FGF14: variants seen among roughly 807,000 people sequenced by gnomAD.
FGF14 encodes fibroblast growth factor 14, also known as fibroblast growth factor homologous factor 4.
A neutral mutation model predicts 25.5 loss-of-function variants in FGF14; 5 were observed. That is an observed-to-expected ratio of 0.20 (90% CI 0.10 to 0.41). The LOEUF (loss-of-function observed/expected upper bound fraction) is 0.41. FGF14 is among the 10% of genes least tolerant of loss of function. The pLI is 1.00. For synonymous variants in FGF14, 138 were observed against 118.3 expected, an observed-to-expected ratio of 1.17 and a Z score of -1.08; for missense variants, 222 against 320.1, an observed-to-expected ratio of 0.69 and a Z score of 2.34.
intron 1 of FGF14, among the ~76,000 whole-genome samples, chr13:102,381,135 G>A (rs2058173929): frequency 6.6e-6 from 1 of 152,136 alleles, no homozygotes; most frequent in Non-Finnish European, 1.5e-5. Context: ...AAACAGGATG[G>A]TTGTATGGGC....
At chr13:101,971,175 G>A (rs114051130) in intron 1 of FGF14, among the ~76,000 whole-genome samples, 1,976 of 152,144 alleles carry the variant, frequency 0.013, 47 homozygotes, top group African/African-American at 0.045. Flanking sequence ...GATGTTTCCA[G>A]TTACTTAATA....
intron 1 of FGF14, chr13:102,373,753 T>C (rs1235263743): frequency 1.3e-5 from 2 of 152,198 alleles, no homozygotes; most frequent in African/African-American, 2.4e-5. Context: ...AGTCAAACTT[T>C]GGTAGTGAGG....
In FGF14 at chr13:102,178,922, T is replaced by TA. The variant is rs567731263; in HGVS notation, c.208+222548dup. ...TCACTTTTGTAATCATGGAGCTATATACATCCATTGGGGAACCTGATATTG... is the reference window on the plus strand; with the variant it reads ...TCACTTTTGTAATCATGGAGCTATATAACATCCATTGGGGAACCTGATATTG... On this transcript the variant is annotated intron_variant, in intron 1 of 4. Coordinates refer to the FGF14 transcript ENST00000376131. Among the ~76,000 whole-genome samples the TA allele has an allele frequency of 1.2e-4, 19 of 152,238 alleles. No homozygotes were observed. The South Asian group carries it at 3.9e-3, about 32-fold the overall frequency.
At chr13:102,283,129 C>G (rs553513065) in intron 1 of FGF14, among the ~76,000 whole-genome samples, 3 of 152,148 alleles carry the variant, frequency 2.0e-5, no homozygotes, top group South Asian at 4.1e-4. Context: ...CCTGCCATCA[C>G]GCTCATGTTC....
chr13:102,354,612 C>T (rs1808001330), intron 1 of FGF14, among the ~76,000 whole-genome samples: 1 of 152,130 alleles, frequency 6.6e-6, no homozygotes, highest in South Asian at 2.1e-4. Flanking sequence ...TTGAGGCCCA[C>T]AAAGAATTTC....
intron 1 of FGF14, among the ~76,000 whole-genome samples, chr13:102,157,781 G>C (rs1358402980): frequency 6.6e-6 from 1 of 152,146 alleles, no homozygotes. Flanking sequence ...ATCTGACAAA[G>C]GGCTAATATC....
chr13:102,007,549 A>C (rs1363230107), intron 1 of FGF14, among the ~76,000 whole-genome samples: 2 of 152,188 alleles, frequency 1.3e-5, no homozygotes, highest in African/African-American at 2.4e-5. Context: ...GCTAGGTAAG[A>C]GAGGTGAGTC....
At chr13:102,034,370 A>C (rs1245139350) in intron 1 of FGF14, among the ~76,000 whole-genome samples, 1 of 152,270 alleles carries the variant, frequency 6.6e-6, no homozygotes, top group Non-Finnish European at 1.5e-5. Flanking sequence ...CAAGCAAGTG[A>C]TTTGTATAAA....
intron 1 of FGF14, among the ~76,000 whole-genome samples, chr13:102,069,061 G>C (rs1020821149): frequency 6.6e-6 from 1 of 152,152 alleles, no homozygotes. Flanking sequence ...AGCTGCTCTG[G>C]TGGGGCCTCC....
intron 1 of FGF14, among the ~76,000 whole-genome samples, chr13:102,399,832 C>G (rs1282821876): frequency 6.6e-6 from 1 of 152,032 alleles, no homozygotes; most frequent in African/African-American, 2.4e-5. Context: ...GGACTCAGGG[C>G]AGAGCCCAGA....
intron 1 of FGF14, among the ~76,000 whole-genome samples, chr13:102,310,330 C>CTGTT (rs974151693): frequency 1.1e-4 from 16 of 152,262 alleles, no homozygotes; most frequent in Admixed American, 8.5e-4. Context: ...TATATTTTTA[C>CTGTT]TGTTTGTTTG....
At chr13:102,347,513 T>C (rs1008518133) in intron 1 of FGF14, among the ~76,000 whole-genome samples, 4 of 151,964 alleles carry the variant, frequency 2.6e-5, no homozygotes, top group African/African-American at 9.7e-5. Flanking sequence ...TTTGTAAAGG[T>C]GGAAGGAGGC....
rs568310897 is a variant in FGF14, at chr13:102,094,967, T to C, written c.209-219671A>G. ...AAGGATTTTTCAGACTCATTATGCATGGTACTTTATGGAAGGGGTTATCAA... is the reference window on the plus strand; with the variant it reads ...AAGGATTTTTCAGACTCATTATGCACGGTACTTTATGGAAGGGGTTATCAA... On this transcript the variant is annotated intron_variant, in intron 1 of 4. Coordinates refer to the FGF14 transcript ENST00000376131. Among the ~76,000 whole-genome samples, 3 of 152,228 alleles carry C rather than the reference T, an allele frequency of 2.0e-5. No individual in the cohort carries two copies. In the East Asian group the frequency reaches 5.8e-4, roughly 29 times the overall value.
chr13:101,994,784 T>C (rs1463098254), intron 1 of FGF14, among the ~76,000 whole-genome samples: 1 of 152,090 alleles, frequency 6.6e-6, no homozygotes, highest in African/African-American at 2.4e-5. Context: ...TTATTAAAAA[T>C]CTAAGCCCCC....
chr13:102,174,689 A>G (rs2048374624), intron 1 of FGF14, among the ~76,000 whole-genome samples: 2 of 152,128 alleles, frequency 1.3e-5, no homozygotes, highest in Non-Finnish European at 1.5e-5. Flanking sequence ...AGCAAACACC[A>G]CATGTTCTTA....
intron 3 of FGF14, among the ~76,000 whole-genome samples, chr13:101,840,322 A>T (rs2043137177): frequency 1.3e-5 from 2 of 151,946 alleles, no homozygotes; most frequent in Non-Finnish European, 2.9e-5. Context: ...AAAATACGTT[A>T]TGAAAAACCA....
rs537738906 is a variant in FGF14, at chr13:101,991,855, T to C, written c.209-116559A>G. On this transcript the variant is annotated intron_variant, in intron 1 of 4. Transcript: ENST00000376131. Reference sequence around the variant, plus strand: ...AAATTTTACCTCCAGCAGCTTTGTGTTCTCAAAGAAAAATCCCCTCATGTT... The same window carrying C: ...AAATTTTACCTCCAGCAGCTTTGTGCTCTCAAAGAAAAATCCCCTCATGTT... Among the ~76,000 whole-genome samples, 316 of 152,200 alleles carry C rather than the reference T, an allele frequency of 2.1e-3. 1 individual carries two copies. The highest frequency in any genetic ancestry group is 6.9e-3 in the African/African-American group (288 of 41,544).
At chr13:101,919,617 A>T (rs970042323), upstream of FGF14, among the ~76,000 whole-genome samples, 1 of 151,888 alleles carries the variant, frequency 6.6e-6, no homozygotes, top group East Asian at 1.9e-4. Context: ...CCAGCCTGAC[A>T]TTCAGCACCG....
chr13:101,900,659 G>A (rs2031419182), intron 1 of FGF14, among the ~76,000 whole-genome samples: 1 of 152,082 alleles, frequency 6.6e-6, no homozygotes, highest in Non-Finnish European at 1.5e-5. Context: ...TCAAGAGAGT[G>A]GCTGCTTTTA....
Sources: gnomAD v4.1 joint callset for allele counts (sites outside exome capture counted in the v4.1 genomes callset) on GRCh38, gnomAD v4.1.1 for gene constraint, MANE v1.5 for transcripts, NCBI Gene and HGNC (gene_info 2026-07-23, HGNC 2026-07-21) for gene names.